Variants in MTHFD1L observed in about 807,000 individuals in gnomAD.
MTHFD1L encodes the protein methylenetetrahydrofolate dehydrogenase (NADP+ dependent) 1 like.
A neutral mutation model predicts 119.5 loss-of-function variants in MTHFD1L; 81 were observed. The ratio of observed to expected loss-of-function variants is 0.68; its 90% confidence interval spans 0.57 to 0.82. MTHFD1L has a LOEUF of 0.82. Among genes scored for constraint, MTHFD1L ranks in the 40% least tolerant of loss-of-function variants. The pLI, the probability that MTHFD1L is intolerant of heterozygous loss-of-function variation, is 0.00. For missense variants in MTHFD1L, 1,125 were observed against 1,253.4 expected (o/e 0.90, Z 1.55); for synonymous variants, 430 against 475.2 (o/e 0.90, Z 1.24).
intron 17 of MTHFD1L, among the ~76,000 whole-genome samples, chr6:150,958,882 A>T (rs1417459381): frequency 6.6e-6 from 1 of 152,274 alleles, no homozygotes; most frequent in East Asian, 1.9e-4. Flanking sequence ...TATGCTCAAG[A>T]TGTGAAATTT....
At chr6:151,086,866 C>T (rs753482277) in intron 26 of MTHFD1L, among the ~76,000 whole-genome samples, 12 of 152,044 alleles carry the variant, frequency 7.9e-5, no homozygotes, top group South Asian at 2.1e-4. Context: ...TGCCAGGCAC[C>T]GTGTTAACAA....
intron 7 of MTHFD1L, among the ~76,000 whole-genome samples, chr6:150,903,843 A>C (rs372735019): frequency 6.6e-6 from 1 of 152,264 alleles, no homozygotes; most frequent in Non-Finnish European, 1.5e-5. Context: ...TTATTAATGG[A>C]TAATCAATCA....
intron 26 of MTHFD1L, among the ~76,000 whole-genome samples, chr6:151,085,425 T>C (rs1793703152): frequency 6.6e-6 from 1 of 152,182 alleles, no homozygotes. Context: ...TAGAAAGTCA[T>C]AAGTTAGGAA....
chr6:150,883,017 A>G (rs1426250691), intron 5 of MTHFD1L, 131 bp downstream of exon 5: 8 of 983,650 alleles, frequency 8.1e-6, no homozygotes, highest in Non-Finnish European at 9.9e-6. Flanking sequence ...ATCATTTTAA[A>G]TATTTCAGGA....
chr6:150,994,955 T>C (rs2128453356), intron 20 of MTHFD1L, among the ~76,000 whole-genome samples: 2 of 152,338 alleles, frequency 1.3e-5, no homozygotes, highest in Non-Finnish European at 2.9e-5. Flanking sequence ...AACCTTGTTT[T>C]TAATGCATAT....
intron 8 of MTHFD1L, among the ~76,000 whole-genome samples, chr6:150,907,434 AT>A (rs1786115928): frequency 3.9e-5 from 6 of 152,368 alleles, no homozygotes; most frequent in African/African-American, 1.4e-4. Flanking sequence ...TTATGCACAG[AT>A]AAACCCATCA....
At chr6:151,037,475 C>T (rs767615954) in intron 26 of MTHFD1L, among the ~76,000 whole-genome samples, 18 of 152,090 alleles carry the variant, frequency 1.2e-4, no homozygotes, top group Non-Finnish European at 1.9e-4. Context: ...GATGTCATCA[C>T]GGTGGGGTTG....
intron 7 of MTHFD1L, among the ~76,000 whole-genome samples, chr6:150,900,751 C>T (rs560745377): frequency 3.2e-4 from 49 of 152,278 alleles, no homozygotes; most frequent in African/African-American, 1.1e-3. Context: ...CGCGGTGGCT[C>T]ACGCCTGTAA....
chr6:150,984,513 G>A (rs1428879197), intron 20 of MTHFD1L, among the ~76,000 whole-genome samples: 2 of 149,284 alleles, frequency 1.3e-5, no homozygotes, highest in African/African-American at 4.9e-5. Flanking sequence ...ATAGTAAGCT[G>A]TTAGAAGTCA....
intron 24 of MTHFD1L, among the ~76,000 whole-genome samples, chr6:151,031,983 T>C (rs1023802806): frequency 6.6e-6 from 1 of 152,238 alleles, no homozygotes; most frequent in Non-Finnish European, 1.5e-5. Context: ...GCTGAGTGTC[T>C]TTGTGGGTTC....
rs572699557 is a variant in MTHFD1L, at chr6:150,940,296, G to A, written c.1440+1551G>A. 2.6e-5 allele frequency among the ~76,000 whole-genome samples: 4 copies of A among 152,296 alleles called. No individual in the cohort carries two copies. In the South Asian group the frequency reaches 6.2e-4, roughly 24 times the overall value. The stretch of plus-strand genomic sequence containing the variant: ...CCATGGAGGTCTGAGTGTCAGGGAA[G>A]CTAAAGAGAAAATCTGTAGGAACTT... On this transcript the variant is annotated intron_variant, in intron 13 of 27. Transcript: ENST00000367321.
chr6:151,093,995 C>T (rs944143078), intron 27 of MTHFD1L, among the ~76,000 whole-genome samples: 1 of 152,164 alleles, frequency 6.6e-6, no homozygotes, highest in Non-Finnish European at 1.5e-5. Flanking sequence ...TACCTGCTGG[C>T]TTCTATCCTG....
At chr6:151,058,610 C>G (rs986626802) in intron 26 of MTHFD1L, among the ~76,000 whole-genome samples, 7 of 152,170 alleles carry the variant, frequency 4.6e-5, no homozygotes, top group African/African-American at 1.7e-4. Flanking sequence ...TGTAATTTGC[C>G]TCTGTGACAA....
intron 8 of MTHFD1L, among the ~76,000 whole-genome samples, chr6:150,916,737 CT>C (rs57961829): frequency 1.4e-5 from 1 of 72,136 alleles, no homozygotes; most frequent in Non-Finnish European, 2.9e-5. Flanking sequence ...GATTCTATCC[CT>C]TTTTTTTTTT....
In MTHFD1L at chr6:150,988,605, TG is replaced by T. The variant is rs539791922; in HGVS notation, c.2125+16548del. Among the ~76,000 whole-genome samples the T allele has an allele frequency of 1.5e-3, 175 of 113,728 alleles. 2 individuals carry two copies. The highest frequency in any genetic ancestry group is 6.4e-3 in the African/African-American group (160 of 24,878). 74.6% of individuals were successfully genotyped at this position (113,728 alleles called of 152,430 possible). ...ACAGATTATTAGGGCTTTCTTTTTTTGTGGGGGGGGCGGGAGCGGGGATGGA... is the reference window on the plus strand; with the variant it reads ...ACAGATTATTAGGGCTTTCTTTTTTTTGGGGGGGGCGGGAGCGGGGATGGA... On this transcript the variant is annotated intron_variant, in intron 20 of 27. Transcript: ENST00000367321.
intron 20 of MTHFD1L, among the ~76,000 whole-genome samples, chr6:151,002,796 G>A (rs1390988104): frequency 6.6e-6 from 1 of 152,166 alleles, no homozygotes; most frequent in African/African-American, 2.4e-5. Flanking sequence ...CTCAGAGGAG[G>A]CGTCTAGAAA....
chr6:150,928,787 GC>G (rs1218075552), intron 11 of MTHFD1L, among the ~76,000 whole-genome samples: 1 of 151,902 alleles, frequency 6.6e-6, no homozygotes, highest in Non-Finnish European at 1.5e-5. Context: ...CAAGTGGTCC[GC>G]CCGCCTCCTC....
At chr6:150,906,782 T>C (rs1785985069) in intron 8 of MTHFD1L, among the ~76,000 whole-genome samples, 1 of 152,148 alleles carries the variant, frequency 6.6e-6, no homozygotes, top group African/African-American at 2.4e-5. Context: ...GCATGAGCCC[T>C]AGCCAGAGGT....
chr6:150,888,891 A>G (rs984554074), intron 7 of MTHFD1L, among the ~76,000 whole-genome samples: 2 of 152,060 alleles, frequency 1.3e-5, no homozygotes, highest in African/African-American at 4.8e-5. Context: ...TTAACTATTA[A>G]AGGCCGGGCG....
Sources: gnomAD v4.1 joint callset for allele counts (sites outside exome capture counted in the v4.1 genomes callset) on GRCh38, gnomAD v4.1.1 for gene constraint, MANE v1.5 for transcripts, NCBI Gene and HGNC (gene_info 2026-07-23, HGNC 2026-07-21) for gene names.